The following SPTBN1 variants were observed in gnomAD, a reference collection of about 807,000 sequenced individuals.
SPTBN1 encodes spectrin beta, non-erythrocytic 1.
A neutral mutation model predicts 266.4 loss-of-function variants in SPTBN1; 32 were observed. The observed-to-expected ratio is 0.12, with a 90% confidence interval of 0.09 to 0.16. SPTBN1 has a LOEUF of 0.16. SPTBN1 is among the 10% of genes least tolerant of loss of function. SPTBN1 has a pLI of 1.00. For missense variants in SPTBN1, 2,296 were observed against 3,067.1 expected (o/e 0.75, Z 5.94); for synonymous variants, 1,336 against 1,162.2 (o/e 1.15, Z -3.04).
rs768007268 is a variant in SPTBN1 at position 54,653,733 on chromosome 2, A to G, written c.5702A>G (p.Glu1901Gly). 2.5e-6 allele frequency: 4 copies of G among 1,614,228 alleles called. No homozygotes were observed. Among genetic ancestry groups the G allele is most frequent in the Non-Finnish European group, 3.4e-6 (4 of 1,180,022 alleles). The change falls in exon 27 of 36, where the codon GAG becomes GGG. Residue 1901 changes from glutamate (E) to glycine (G), a missense_variant. This residue lies in a region of SPTBN1 where 644 missense variants were observed against 745.3 expected (regional missense o/e 0.86). Coordinates refer to ENST00000356805, the MANE Select transcript of SPTBN1 (RefSeq NM_003128.3). The surrounding 1 kb of genome is among the most constrained non-coding windows in gnomAD (Gnocchi z 5.1). ...EAWKSLLDAC[E>G]SRRVRLVDTG... ...TGGAAGTCCCTCCTGGACGCCTGTG[A>G]GAGCCGCAGGGTGCGGCTGGTGGAC...
chr2:54,478,340 C>G (rs930686940), intron 1 of SPTBN1, among the ~76,000 whole-genome samples: 2 of 151,878 alleles, frequency 1.3e-5, no homozygotes, highest in African/African-American at 4.8e-5. Context: ...GTTTTTTTTC[C>G]TCACTCTTCA....
intron 1 of SPTBN1, among the ~76,000 whole-genome samples, chr2:54,513,924 A>G (rs1039017923): frequency 6.6e-5 from 10 of 152,220 alleles, no homozygotes; most frequent in African/African-American, 2.4e-4. Context: ...AGATCTATCT[A>G]CTTTCAATAT....
At chr2:54,636,704 A>G (rs1679167344) in intron 17 of SPTBN1, among the ~76,000 whole-genome samples, 1 of 152,264 alleles carries the variant, frequency 6.6e-6, no homozygotes, top group Non-Finnish European at 1.5e-5. Context: ...GTGCAGGCAC[A>G]GGCAGAGAGA....
At chr2:54,594,565 A>G (rs961211519) in intron 2 of SPTBN1, among the ~76,000 whole-genome samples, 1 of 152,202 alleles carries the variant, frequency 6.6e-6, no homozygotes, top group Admixed American at 6.5e-5. Context: ...GGGATTAGAT[A>G]CGGAAGGACG....
chr2:54,647,086 G>A (rs1349112424), intron 23 of SPTBN1, 45 bp from the exon 24 acceptor site: 1 of 1,613,618 alleles, frequency 6.2e-7, no homozygotes, highest in Non-Finnish European at 8.5e-7. Flanking sequence ...AAGGGGTAGG[G>A]CCAGAGGGGA....
Position 54,558,906 on chromosome 2 carries a change from G to T in SPTBN1, c.148+32340G>T. The stretch of plus-strand genomic sequence containing the variant: ...CTGCAAGGTAAGCCCCCTCCCAAAG[G>T]CCGGGCCTGTCCTGGGTGCCAACGG... On this transcript the variant is annotated intron_variant, in intron 2 of 35. Transcript: ENST00000356805. The surrounding 1 kb of genome is among the most constrained non-coding windows in gnomAD (Gnocchi z 4.6). 2 of 1,611,252 alleles carry T rather than the reference G, an allele frequency of 1.2e-6. No individual in the cohort carries two copies. The highest frequency in any genetic ancestry group is 1.7e-6 in the Non-Finnish European group (2 of 1,178,436).
intron 2 of SPTBN1, among the ~76,000 whole-genome samples, chr2:54,591,993 C>G (rs764072643): frequency 2.6e-5 from 4 of 151,972 alleles, no homozygotes; most frequent in Non-Finnish European, 4.4e-5. Flanking sequence ...TCTAATGAGA[C>G]CCTATTTCTA....
Position 54,540,033 on chromosome 2 carries a change from C to T in SPTBN1, c.148+13467C>T, listed in dbSNP as rs570733746. Among the ~76,000 whole-genome samples the T allele has an allele frequency of 1.3e-5, 2 of 152,162 alleles. No homozygotes were observed. The highest frequency in any genetic ancestry group is 4.8e-5 in the African/African-American group (2 of 41,426). The stretch of plus-strand genomic sequence containing the variant: ...AAAGTAGACATGGGAAATGATCTTT[C>T]TCCCTACCATGTGAGAATCTGAGAG... On this transcript the variant is annotated intron_variant, in intron 2 of 35. Transcript: ENST00000356805. This position sits in a 1 kb window ranked among gnomAD's most constrained non-coding sequence, Gnocchi z 5.6.
At chr2:54,616,740 A>G (rs560545715) in intron 5 of SPTBN1, among the ~76,000 whole-genome samples, 1 of 152,286 alleles carries the variant, frequency 6.6e-6, no homozygotes, top group Non-Finnish European at 1.5e-5. Flanking sequence ...AATTTCAGTG[A>G]AGTTGTTTTT....
rs1029139399 is a variant in SPTBN1, at chr2:54,525,670, A to G, written c.-47-702A>G. On this transcript the variant is annotated intron_variant, in intron 1 of 35. Coordinates refer to ENST00000356805, the MANE Select transcript of SPTBN1 (RefSeq NM_003128.3). ...AGATTATAATTTATGGTGATACACA[A>G]TGGGAATAAATGAGTTCATTCAGAA... is the stretch of plus-strand genomic sequence containing the variant. 4.6e-5 allele frequency among the ~76,000 whole-genome samples: 7 copies of G among 152,400 alleles called. No individual in the cohort carries two copies. The South Asian group carries it at 6.2e-4, about 14-fold the overall frequency.
At position 54,647,929 on chromosome 2, in the gene SPTBN1, A is replaced by G. The variant is rs192923815; in HGVS notation, c.4997+668A>G. 1.7e-3 allele frequency among the ~76,000 whole-genome samples: 265 copies of G among 152,344 alleles called. 2 individuals carry two copies. Among genetic ancestry groups the G allele is most frequent in the African/African-American group, 5.6e-3 (232 of 41,588 alleles). ...CACTTACACTTGGGTTGAAAAAGTC[A>G]TCCAGTTTAGTAAAGTAATTACTAG... On this transcript the variant is annotated intron_variant, in intron 24 of 35. Transcript: ENST00000356805.
At chr2:54,609,656 G>A (rs1298683829) in intron 3 of SPTBN1, among the ~76,000 whole-genome samples, 5 of 152,154 alleles carry the variant, frequency 3.3e-5, no homozygotes. Context: ...GTGTTTAGGG[G>A]CCAGTAGACC....
chr2:54,584,246 A>G (rs1675135811), intron 2 of SPTBN1, among the ~76,000 whole-genome samples: 1 of 152,212 alleles, frequency 6.6e-6, no homozygotes, highest in Non-Finnish European at 1.5e-5. Flanking sequence ...TTATTTTATA[A>G]GGATGTCCCG....
At chr2:54,586,744 T>A (rs1467886737) in intron 2 of SPTBN1, among the ~76,000 whole-genome samples, 1 of 152,218 alleles carries the variant, frequency 6.6e-6, no homozygotes, top group Non-Finnish European at 1.5e-5. Flanking sequence ...TTGGATTCAA[T>A]GAATTACTGT....
At chr2:54,525,676 A>G (rs1453031653) in intron 1 of SPTBN1, among the ~76,000 whole-genome samples, 3 of 152,278 alleles carry the variant, frequency 2.0e-5, no homozygotes, top group East Asian at 3.8e-4. Context: ...CACAATGGGA[A>G]TAAATGAGTT....
chr2:54,530,504 G>C (rs1033155901), intron 2 of SPTBN1, among the ~76,000 whole-genome samples: 1 of 151,292 alleles, frequency 6.6e-6, no homozygotes, highest in Non-Finnish European at 1.5e-5. Context: ...GACTACAGGC[G>C]CCCGCCACCA....
chr2:54,604,286 A>G (rs1035688071), intron 3 of SPTBN1, among the ~76,000 whole-genome samples: 1 of 152,212 alleles, frequency 6.6e-6, no homozygotes, highest in African/African-American at 2.4e-5. Flanking sequence ...ACACCCTGCC[A>G]GAAACCTTCC....
chr2:54,596,539 G>A (rs1340635102), intron 2 of SPTBN1, among the ~76,000 whole-genome samples: 1 of 152,164 alleles, frequency 6.6e-6, no homozygotes, highest in East Asian at 1.9e-4. Flanking sequence ...CTTTTCCAAC[G>A]TGGGGGTGTG....
At position 54,668,610 on chromosome 2, in the gene SPTBN1, G is replaced by T. The variant is rs374951191; in HGVS notation, c.*41G>T. 1.6e-5 allele frequency: 25 copies of T among 1,548,486 alleles called. No homozygotes were observed. Among genetic ancestry groups the T allele is most frequent in the Non-Finnish European group, 2.2e-5 (25 of 1,141,342 alleles). ...CTCCTGCCCTTCTCTTACCTTTTCA[G>T]TGAAATTCCAGCATGCAAGCTCAGA... On this transcript the variant is annotated 3_prime_UTR_variant, in exon 36 of 36. Transcript: ENST00000356805.
Sources: allele counts gnomAD v4.1 joint callset (sites outside exome capture counted in the v4.1 genomes callset), GRCh38; gene constraint gnomAD v4.1.1; regional missense constraint gnomAD v4.1.1; non-coding constraint Gnocchi (gnomAD v3.1); transcripts MANE v1.5; gene names NCBI Gene and HGNC (gene_info 2026-07-23, HGNC 2026-07-21).